Variants in ARHGAP15 observed in about 807,000 individuals in gnomAD.
ARHGAP15 encodes Rho GTPase activating protein 15.
A neutral mutation model predicts 63.7 loss-of-function variants in ARHGAP15; 51 were observed. The ratio of observed to expected loss-of-function variants is 0.80; its 90% CI spans 0.64 to 1.01. The LOEUF (loss-of-function observed/expected upper bound fraction) is 1.01. Among genes scored for constraint, ARHGAP15 ranks in the 50% least tolerant of loss-of-function variants. ARHGAP15 has a pLI of 0.00. For synonymous variants in ARHGAP15, 191 were observed against 193.8 expected, an observed-to-expected ratio of 0.99 and a Z score of 0.12; for missense variants, 560 against 564.6, an observed-to-expected ratio of 0.99 and a Z score of 0.08.
chr2:143,200,970 A>G (rs1047371911), intron 2 of ARHGAP15, among the ~76,000 whole-genome samples: 1 of 152,078 alleles, frequency 6.6e-6, no homozygotes, highest in African/African-American at 2.4e-5. Flanking sequence ...TCATGCTTAG[A>G]GTATGTCCAA....
At chr2:143,561,263 T>C (rs4662339) in intron 11 of ARHGAP15, among the ~76,000 whole-genome samples, 124,599 of 152,076 alleles carry the variant, frequency 0.82, 51,166 homozygotes, top group South Asian at 0.85. Context: ...CTTGGTATTA[T>C]TTAGACATCC....
intron 8 of ARHGAP15, among the ~76,000 whole-genome samples, chr2:143,468,655 AGAGAGAGAGTGT>A (rs1339411202): frequency 4.7e-5 from 6 of 128,090 alleles, no homozygotes; most frequent in Admixed American, 7.7e-5. Flanking sequence ...AGAGAGAGAG[AGAGAGAGAGTGT>A]GTGTGTGTGT....
intron 8 of ARHGAP15, among the ~76,000 whole-genome samples, chr2:143,467,442 A>C (rs933827655): frequency 6.6e-6 from 1 of 151,996 alleles, no homozygotes; most frequent in African/African-American, 2.4e-5. Flanking sequence ...ATTAAAATGC[A>C]TTGATCACAA....
At chr2:143,240,731 A>C (rs1693830354) in intron 5 of ARHGAP15, among the ~76,000 whole-genome samples, 1 of 152,194 alleles carries the variant, frequency 6.6e-6, no homozygotes, top group East Asian at 1.9e-4. Flanking sequence ...CTGGAGGATA[A>C]TGGGTAGAGA....
chr2:143,678,223 GGAAA>G (rs1462969550), intron 12 of ARHGAP15, among the ~76,000 whole-genome samples: 3 of 151,938 alleles, frequency 2.0e-5, no homozygotes, highest in African/African-American at 4.8e-5. Context: ...GAAAGAAAAA[GGAAA>G]GAAAGAGAGA....
intron 2 of ARHGAP15, among the ~76,000 whole-genome samples, chr2:143,166,134 T>A (rs1574036736): frequency 6.6e-6 from 1 of 152,134 alleles, no homozygotes; most frequent in East Asian, 1.9e-4. Flanking sequence ...GTTATTCATG[T>A]GACATCCCGA....
chr2:143,142,144 C>T (rs1445626057), intron 1 of ARHGAP15, among the ~76,000 whole-genome samples: 1 of 151,926 alleles, frequency 6.6e-6, no homozygotes, highest in Non-Finnish European at 1.5e-5. Flanking sequence ...CAAAACATTC[C>T]AAAACATTGT....
At chr2:143,144,966 A>G (rs1248045008) in intron 1 of ARHGAP15, among the ~76,000 whole-genome samples, 1 of 152,086 alleles carries the variant, frequency 6.6e-6, no homozygotes, top group Non-Finnish European at 1.5e-5. Flanking sequence ...TGAATCCCTT[A>G]GGGGTTATGA....
At chr2:143,415,365 A>C (rs1558955921) in intron 6 of ARHGAP15, among the ~76,000 whole-genome samples, 1 of 152,286 alleles carries the variant, frequency 6.6e-6, no homozygotes, top group East Asian at 1.9e-4. Flanking sequence ...AAAGAACATA[A>C]AAAAAGGATT....
chr2:143,373,950 C>T (rs1686692682), intron 6 of ARHGAP15, among the ~76,000 whole-genome samples: 1 of 152,138 alleles, frequency 6.6e-6, no homozygotes, highest in Non-Finnish European at 1.5e-5. Flanking sequence ...GTGGACCTAG[C>T]AAACCTGCAA....
At chr2:143,638,478 A>C (rs1466991238) in intron 12 of ARHGAP15, among the ~76,000 whole-genome samples, 1 of 114,530 alleles carries the variant, frequency 8.7e-6, no homozygotes, top group Non-Finnish European at 1.7e-5. Flanking sequence ...AGGAAGGGGA[A>C]TATCACACTC....
intron 13 of ARHGAP15, among the ~76,000 whole-genome samples, chr2:143,727,651 G>T (rs939538871): frequency 1.2e-4 from 19 of 152,200 alleles, no homozygotes; most frequent in African/African-American, 4.6e-4. Flanking sequence ...CAGACAGATC[G>T]AATGAACGGG....
chr2:143,289,823 AAAAG>A (rs1361571600), intron 6 of ARHGAP15, among the ~76,000 whole-genome samples: 2 of 152,196 alleles, frequency 1.3e-5, no homozygotes, highest in African/African-American at 4.8e-5. Flanking sequence ...AATAACCAAA[AAAAG>A]AGGAAGAAGA....
chr2:143,235,948 C>T lies in ARHGAP15; in HGVS notation c.384+7280C>T, dbSNP rs1269814630. On this transcript the variant is annotated intron_variant, in intron 5 of 13. Coordinates refer to ENST00000295095, the MANE Select transcript of ARHGAP15 (RefSeq NM_018460.4). ...CCTGCTGTACTTTGTGATTTTAGAG[C>T]TTCTGCTTGATGTGTTCAGGAGGCA... 6 of 1,546,104 alleles carry T rather than the reference C, an allele frequency of 3.9e-6. No homozygotes were observed. The Admixed American group carries it at 6.0e-5, about 15-fold the overall frequency.
At chr2:143,346,388 G>A (rs1427987945) in intron 6 of ARHGAP15, among the ~76,000 whole-genome samples, 1 of 151,928 alleles carries the variant, frequency 6.6e-6, no homozygotes, top group Non-Finnish European at 1.5e-5. Flanking sequence ...AACACCATGA[G>A]TCACGGTGTT....
At chr2:143,171,357 G>A (rs1006879201) in intron 2 of ARHGAP15, among the ~76,000 whole-genome samples, 8 of 152,078 alleles carry the variant, frequency 5.3e-5, no homozygotes, top group African/African-American at 7.2e-5. Flanking sequence ...GTTGCTCTTC[G>A]TCTTTGCTCC....
intron 6 of ARHGAP15, among the ~76,000 whole-genome samples, chr2:143,290,128 A>C (rs1418031556): frequency 6.6e-6 from 1 of 152,128 alleles, no homozygotes; most frequent in East Asian, 1.9e-4. Context: ...ATAGCAAACT[A>C]TCTAGTGGGC....
At chr2:143,138,114 A>G (rs146246029) in intron 1 of ARHGAP15, among the ~76,000 whole-genome samples, 3 of 152,242 alleles carry the variant, frequency 2.0e-5, no homozygotes, top group African/African-American at 7.2e-5. Context: ...AAATTCATCA[A>G]TATAAATTAT....
chr2:143,440,495 T>A (rs554831984), intron 8 of ARHGAP15, among the ~76,000 whole-genome samples: 6 of 152,276 alleles, frequency 3.9e-5, no homozygotes, highest in African/African-American at 1.4e-4. Flanking sequence ...CCGCCAAGAT[T>A]GTAGACAGAT....
Sources: gnomAD v4.1 joint callset for allele counts (sites outside exome capture counted in the v4.1 genomes callset) on GRCh38, gnomAD v4.1.1 for gene constraint, MANE v1.5 for transcripts, NCBI Gene and HGNC (gene_info 2026-07-23, HGNC 2026-07-21) for gene names.